PCDHGA1: variants seen among roughly 807,000 people sequenced by gnomAD.
The protein encoded by PCDHGA1 is protocadherin gamma subfamily A, 1, also known as protocadherin gamma-A1.
A neutral mutation model predicts 58.0 loss-of-function variants in PCDHGA1; 32 were observed. The ratio of observed to expected loss-of-function variants is 0.55; its 90% CI spans 0.42 to 0.74. PCDHGA1 has a LOEUF of 0.74. Ranked by LOEUF, PCDHGA1 falls within the 30% of genes least tolerant of loss-of-function variation. The pLI, the probability that PCDHGA1 is intolerant of heterozygous loss-of-function variation, is 0.00. For synonymous variants in PCDHGA1, 498 were observed against 501.1 expected (o/e 0.99, Z 0.08); for missense variants, 1,205 against 1,182.3 (o/e 1.02, Z -0.28).
chr5:141,376,623 G>A (rs559036357), intron 1 of PCDHGA1: 243 of 1,327,112 alleles, frequency 1.8e-4, no homozygotes, highest in Middle Eastern at 7.8e-4. Context: ...TTTGGTACAG[G>A]AAGATTCGTG....
chr5:141,495,817 T>G (rs2099764054), intron 2 of PCDHGA1, among the ~76,000 whole-genome samples: 1 of 152,110 alleles, frequency 6.6e-6, no homozygotes, highest in African/African-American at 2.4e-5. Context: ...TAGCGCCTTG[T>G]GTTCTTCTAT....
rs758181180 is a variant in PCDHGA1 at position 141,485,483 on chromosome 5, G to T, written c.2422-9324G>T. The T allele has an allele frequency of 1.9e-6, 3 of 1,614,106 alleles. No homozygotes were observed. The highest frequency in any genetic ancestry group is 2.5e-6 in the Non-Finnish European group (3 of 1,180,022). ...GTGTGGGCTCAGTGCCAGCTGCATC[G>T]TGCCCCTGGAGTTTGTCACCGAAGG... On this transcript the variant is annotated intron_variant, in intron 1 of 3. Coordinates refer to ENST00000517417, the MANE Select transcript of PCDHGA1 (RefSeq NM_018912.3). The surrounding 1 kb of genome is among the most constrained non-coding windows in gnomAD (Gnocchi z 5.7).
intron 1 of PCDHGA1, chr5:141,388,316 G>A: frequency 6.2e-7 from 1 of 1,613,866 alleles, no homozygotes; most frequent in South Asian, 1.1e-5. Flanking sequence ...AAATAAGTGA[G>A]TCTGCACAGC....
chr5:141,472,980 C>CAAAAAAAAAAAAAAAAAAAAAAA (rs60579131), intron 1 of PCDHGA1, among the ~76,000 whole-genome samples: 6 of 86,066 alleles, frequency 7.0e-5, no homozygotes, highest in Non-Finnish European at 1.0e-4. Context: ...GAGTGAAACT[C>CAAAAAAAAAAAAAAAAAAAAAAA]AAAAAAAAAA....
rs879045129 is a variant in PCDHGA1, at chr5:141,366,878, A to T, written c.2421+33773A>T. 2.5e-5 allele frequency: 33 copies of T among 1,341,426 alleles called. No homozygotes were observed. The South Asian group carries it at 4.2e-4, about 17-fold the overall frequency. The allele number at this position is 1,341,426 out of a possible 1,614,324, so 83.1% of individuals were successfully genotyped here. On this transcript the variant is annotated intron_variant, in intron 1 of 3. Transcript: ENST00000517417. Reference sequence around the variant, plus strand: ...ACATTATTTGCTGTATTGGAGATTAATTTTTTTTATATAATTCATGCTTTC... The same window carrying T: ...ACATTATTTGCTGTATTGGAGATTATTTTTTTTTATATAATTCATGCTTTC...
At chr5:141,468,797 C>A (rs191599825) in intron 1 of PCDHGA1, among the ~76,000 whole-genome samples, 1 of 151,770 alleles carries the variant, frequency 6.6e-6, no homozygotes, top group East Asian at 1.9e-4. Context: ...ACCCGGGAGG[C>A]GGAACTTGCA....
chr5:141,352,171 C>A, intron 1 of PCDHGA1: 1 of 1,613,606 alleles, frequency 6.2e-7, no homozygotes, highest in South Asian at 1.1e-5. Flanking sequence ...CCCGCCAGCG[C>A]CTGCTGGTCG....
At chr5:141,361,741 G>A in intron 1 of PCDHGA1, 1 of 1,613,146 alleles carries the variant, frequency 6.2e-7, no homozygotes, top group African/African-American at 1.3e-5. Context: ...GCAGGCCCGC[G>A]ACCAGGGCTC....
At chr5:141,398,955 A>G in intron 1 of PCDHGA1, 6 of 1,613,966 alleles carry the variant, frequency 3.7e-6, no homozygotes, top group Non-Finnish European at 5.1e-6. Context: ...TCAACTCAGA[A>G]ATTACTTATT....
At chr5:141,498,826 A>G (rs1186868890) in intron 2 of PCDHGA1, among the ~76,000 whole-genome samples, 1 of 152,006 alleles carries the variant, frequency 6.6e-6, no homozygotes, top group African/African-American at 2.4e-5. Context: ...CCAGCTACTC[A>G]GGAGGCTGAG....
chr5:141,405,265 C>T lies in PCDHGA1; in HGVS notation c.2421+72160C>T, dbSNP rs769240639. The T allele has an allele frequency of 4.3e-6, 7 of 1,614,106 alleles. No homozygotes were observed. In the Admixed American group the frequency reaches 1.2e-4, roughly 27 times the overall value. Reference sequence around the variant, plus strand: ...CAAGGAAGAGTCACCTGATCTTCCCCCAGCCCAACTATGCAGACACACTCA... The same window carrying T: ...CAAGGAAGAGTCACCTGATCTTCCCTCAGCCCAACTATGCAGACACACTCA... On this transcript the variant is annotated intron_variant, in intron 1 of 3. Coordinates refer to ENST00000517417, the MANE Select transcript of PCDHGA1 (RefSeq NM_018912.3).
At chr5:141,389,439 G>C (rs201120335) in intron 1 of PCDHGA1, 1 of 1,610,580 alleles carries the variant, frequency 6.2e-7, no homozygotes, top group Non-Finnish European at 8.5e-7. Flanking sequence ...GCGCGCCTTC[G>C]ACCACGAGCA....
intron 1 of PCDHGA1, chr5:141,374,411 G>T: frequency 6.2e-7 from 1 of 1,614,036 alleles, no homozygotes. Flanking sequence ...TAACATCCTT[G>T]TCGAGGATAA....
At chr5:141,355,289 A>G (rs1759786775) in intron 1 of PCDHGA1, 1 of 1,613,744 alleles carries the variant, frequency 6.2e-7, no homozygotes. Context: ...AGGGCCGAAC[A>G]GATTCTCTAC....
intron 1 of PCDHGA1, chr5:141,356,879 C>G (rs1760374565): frequency 6.2e-7 from 1 of 1,614,084 alleles, no homozygotes; most frequent in Admixed American, 1.7e-5. Context: ...GACAATGTCC[C>G]TGAGATCCTG....
At chr5:141,344,095 G>C in intron 1 of PCDHGA1, 1 of 1,613,702 alleles carries the variant, frequency 6.2e-7, no homozygotes, top group Non-Finnish European at 8.5e-7. Context: ...GCGCTCCTGG[G>C]GACGCTGTGC....
chr5:141,421,734 G>A (rs761780459), intron 1 of PCDHGA1: 1 of 1,613,948 alleles, frequency 6.2e-7, no homozygotes, highest in Non-Finnish European at 8.5e-7. Flanking sequence ...ACTCCCTCCA[G>A]AGCTACCAGC....
chr5:141,408,806 C>A (rs1368887332), intron 1 of PCDHGA1: 2 of 1,612,894 alleles, frequency 1.2e-6, no homozygotes, highest in African/African-American at 1.3e-5. Flanking sequence ...ACTCCTAGAC[C>A]GGGAAGAACA....
At chr5:141,466,146 T>C (rs977109086) in intron 1 of PCDHGA1, among the ~76,000 whole-genome samples, 5 of 151,880 alleles carry the variant, frequency 3.3e-5, no homozygotes, top group Non-Finnish European at 7.4e-5. Context: ...GTGAAAACTC[T>C]GGTCTTAAAC....
Sources: allele counts gnomAD v4.1 joint callset (sites outside exome capture counted in the v4.1 genomes callset), GRCh38; gene constraint gnomAD v4.1.1; non-coding constraint Gnocchi (gnomAD v3.1); transcripts MANE v1.5; gene names NCBI Gene and HGNC (gene_info 2026-07-23, HGNC 2026-07-21).